CYP3A43: variants seen among roughly 807,000 people sequenced by gnomAD.
CYP3A43 encodes the protein cytochrome P450 family 3 subfamily A member 43.
Under a neutral mutation model 58.0 loss-of-function variants are expected in CYP3A43, and 45 were observed. That is an observed-to-expected ratio of 0.78 (90% CI 0.61 to 0.99). The LOEUF is 0.99. Among genes scored for constraint, CYP3A43 ranks in the 50% least tolerant of loss-of-function variants. CYP3A43 has a pLI of 0.00. For missense variants in CYP3A43, 593 were observed against 591.9 expected, an observed-to-expected ratio of 1.00 and a Z score of -0.02; for synonymous variants, 191 against 201.4, an observed-to-expected ratio of 0.95 and a Z score of 0.44.
chr7:99,865,835 T>C, intron 12 of CYP3A43, 71 bp from the exon 13 acceptor site: 1 of 1,152,924 alleles, frequency 8.7e-7, no homozygotes, highest in South Asian at 1.6e-5. Context: ...TGATGTCATC[T>C]TTTTTATTTT....
At chr7:99,845,384 G>A (rs1487988076) in intron 4 of CYP3A43, among the ~76,000 whole-genome samples, 2 of 151,322 alleles carry the variant, frequency 1.3e-5, no homozygotes, top group East Asian at 1.9e-4. Context: ...GTGCAGTGGC[G>A]CGATCTCAGT....
At chr7:99,834,602 A>T (rs535990423) in intron 1 of CYP3A43, among the ~76,000 whole-genome samples, 68 of 152,346 alleles carry the variant, frequency 4.5e-4, no homozygotes, top group African/African-American at 1.6e-3. Context: ...CCTCTAGCCG[A>T]TGCCAAGTGC....
At chr7:99,847,938 G>C in intron 5 of CYP3A43, 1 of 561,262 alleles carries the variant, frequency 1.8e-6, no homozygotes, top group South Asian at 2.1e-5. Context: ...TTTGAATCTA[G>C]AGGCGGAGGT....
chr7:99,836,982 T>G (rs1212748375), intron 2 of CYP3A43, among the ~76,000 whole-genome samples: 1 of 151,996 alleles, frequency 6.6e-6, no homozygotes, highest in Non-Finnish European at 1.5e-5. Context: ...TAGTAAGCTT[T>G]TGTTTCCTTC....
At chr7:99,853,392 ATTG>A (rs1817835199) in intron 7 of CYP3A43, among the ~76,000 whole-genome samples, 2 of 152,246 alleles carry the variant, frequency 1.3e-5, no homozygotes, top group South Asian at 4.1e-4. Flanking sequence ...TAATAATAAA[ATTG>A]TTAAGAGAAT....
intron 3 of CYP3A43, among the ~76,000 whole-genome samples, chr7:99,843,877 T>G (rs911863603): frequency 2.6e-5 from 4 of 152,226 alleles, no homozygotes; most frequent in Non-Finnish European, 5.9e-5. Context: ...AACCATGATC[T>G]CTTTGAAGAG....
intron 7 of CYP3A43, among the ~76,000 whole-genome samples, chr7:99,854,059 T>C (rs553769355): frequency 3.3e-5 from 5 of 152,276 alleles, no homozygotes; most frequent in Admixed American, 1.3e-4. Flanking sequence ...GTACAGTTAT[T>C]ATTGACTGTA....
At chr7:99,828,227 C>A in intron 1 of CYP3A43, 41 bp downstream of exon 1, 1 of 1,451,756 alleles carries the variant, frequency 6.9e-7, no homozygotes, top group Non-Finnish European at 9.3e-7. Context: ...AACTCTAAGA[C>A]CTGAAGTGCT....
intron 1 of CYP3A43, among the ~76,000 whole-genome samples, chr7:99,828,531 C>T (rs1339446719): frequency 6.6e-6 from 1 of 151,958 alleles, no homozygotes; most frequent in African/African-American, 2.4e-5. Flanking sequence ...CATGGTGGCA[C>T]ACACCTGTAA....
At chr7:99,848,654 G>C (rs1328752352) in intron 6 of CYP3A43, among the ~76,000 whole-genome samples, 2 of 152,174 alleles carry the variant, frequency 1.3e-5, no homozygotes, top group African/African-American at 4.8e-5. Flanking sequence ...CAATGAGGAA[G>C]TTGGAATAAC....
At chr7:99,854,563 C>A (rs1817900069) in intron 7 of CYP3A43, among the ~76,000 whole-genome samples, 1 of 152,102 alleles carries the variant, frequency 6.6e-6, no homozygotes, top group Non-Finnish European at 1.5e-5. Flanking sequence ...ATCTGTATTT[C>A]ATTAGGTTAC....
At chr7:99,863,460 C>T (rs1818320499) in intron 11 of CYP3A43, 77 bp from the exon 12 acceptor site, 3 of 1,326,764 alleles carry the variant, frequency 2.3e-6, no homozygotes, top group African/African-American at 1.5e-5. Context: ...CCAAAAGCCA[C>T]CACACCCTGC....
intron 7 of CYP3A43, among the ~76,000 whole-genome samples, chr7:99,853,859 A>T (rs747850189): frequency 1.3e-5 from 2 of 151,810 alleles, no homozygotes; most frequent in Non-Finnish European, 2.9e-5. Flanking sequence ...CCCAGCCTTG[A>T]GCTTTATTTT....
At chr7:99,857,994 T>C (rs1325414682) in intron 9 of CYP3A43, among the ~76,000 whole-genome samples, 1 of 152,140 alleles carries the variant, frequency 6.6e-6, no homozygotes. Flanking sequence ...CAACTTTTTG[T>C]GAAAAGGGAA....
In CYP3A43 at chr7:99,835,355, G is replaced by C. The variant is rs1157961717; in HGVS notation, c.72-1098G>C. Among the ~76,000 whole-genome samples, 4 of 152,202 alleles carry C rather than the reference G, an allele frequency of 2.6e-5. No individual in the cohort carries two copies. The East Asian group carries it at 7.7e-4, about 29-fold the overall frequency. ...CATCCGATTTGTCATTCTCTGTACA[G>C]ATGTTTAGGACTGCTGCTGATAAGC... On this transcript the variant is annotated intron_variant, in intron 1 of 12. Transcript: ENST00000354829.
intron 11 of CYP3A43, 69 bp from the exon 12 acceptor site, chr7:99,863,468 T>A: frequency 1.4e-6 from 2 of 1,386,752 alleles, no homozygotes; most frequent in Non-Finnish European, 1.9e-6. Flanking sequence ...CACCACACCC[T>A]GCATAACGTG....
At chr7:99,837,098 G>A (rs975773493) in intron 2 of CYP3A43, among the ~76,000 whole-genome samples, 5 of 147,792 alleles carry the variant, frequency 3.4e-5, no homozygotes, top group African/African-American at 1.2e-4. Context: ...GAGGTCAGGA[G>A]ATCGAGACCA....
chr7:99,843,996 T>C (rs188934872), intron 3 of CYP3A43, 147 bp from the exon 4 acceptor site: 1 of 609,918 alleles, frequency 1.6e-6, no homozygotes, highest in East Asian at 2.9e-5. Flanking sequence ...CATACCCTAA[T>C]TGACCTTGGA....
At chr7:99,845,247 T>G (rs1206215043) in intron 4 of CYP3A43, among the ~76,000 whole-genome samples, 1 of 152,178 alleles carries the variant, frequency 6.6e-6, no homozygotes, top group Non-Finnish European at 1.5e-5. Flanking sequence ...TTACTTTCCC[T>G]CTATGGGGTT....
Sources: allele counts gnomAD v4.1 joint callset (sites outside exome capture counted in the v4.1 genomes callset), GRCh38; gene constraint gnomAD v4.1.1; transcripts MANE v1.5; gene names NCBI Gene and HGNC (gene_info 2026-07-23, HGNC 2026-07-21).